SGCZ: variants seen among roughly 807,000 people sequenced by gnomAD.
SGCZ encodes the protein sarcoglycan zeta, also known as zeta-sarcoglycan.
Under a neutral mutation model 41.3 loss-of-function variants are expected in SGCZ, and 40 were observed. The ratio of observed to expected loss-of-function variants is 0.97; its 90% confidence interval spans 0.75 to 1.26. The LOEUF is 1.26. SGCZ is among the 50% of genes most tolerant of loss of function. The pLI, the probability that SGCZ is intolerant of heterozygous loss-of-function variation, is 0.00. For missense variants in SGCZ, 552 were observed against 369.8 expected (o/e 1.49, Z -4.04); for synonymous variants, 206 against 137.5 (o/e 1.50, Z -3.49).
chr8:14,133,701 C>T (rs1303142032), intron 5 of SGCZ, among the ~76,000 whole-genome samples: 1 of 151,838 alleles, frequency 6.6e-6, no homozygotes, highest in East Asian at 1.9e-4. Context: ...TGCTGTAAAC[C>T]TTTGACTCTT....
intron 1 of SGCZ, among the ~76,000 whole-genome samples, chr8:14,650,782 C>G (rs1486213651): frequency 2.0e-5 from 3 of 152,010 alleles, no homozygotes; most frequent in Admixed American, 1.3e-4. Flanking sequence ...CCTACCTACT[C>G]CGGCTCGTTC....
intron 1 of SGCZ, among the ~76,000 whole-genome samples, chr8:14,809,150 T>C (rs1030797683): frequency 4.6e-5 from 7 of 151,950 alleles, no homozygotes; most frequent in African/African-American, 1.7e-4. Flanking sequence ...TTAGTGGGTG[T>C]AGCACACCAG....
chr8:14,987,206 C>G (rs867869758), intron 1 of SGCZ, among the ~76,000 whole-genome samples: 1 of 151,450 alleles, frequency 6.6e-6, no homozygotes, highest in Non-Finnish European at 1.5e-5. Flanking sequence ...TAAAATAGCA[C>G]CAAAAAGTAC....
chr8:14,423,027 T>C (rs1247449422), intron 2 of SGCZ, among the ~76,000 whole-genome samples: 1 of 152,062 alleles, frequency 6.6e-6, no homozygotes, highest in Non-Finnish European at 1.5e-5. Flanking sequence ...GACCCTGTAT[T>C]AAAAACAAAA....
chr8:14,797,312 A>G (rs1318877833), intron 1 of SGCZ, among the ~76,000 whole-genome samples: 1 of 152,154 alleles, frequency 6.6e-6, no homozygotes, highest in East Asian at 1.9e-4. Context: ...GCTGACAGTG[A>G]TATGGACAAT....
intron 5 of SGCZ, among the ~76,000 whole-genome samples, chr8:14,120,891 G>A (rs900119999): frequency 6.6e-6 from 1 of 152,028 alleles, no homozygotes; most frequent in Non-Finnish European, 1.5e-5. Context: ...ATCTTAATCA[G>A]ATCATCAATG....
intron 5 of SGCZ, among the ~76,000 whole-genome samples, chr8:14,139,958 C>T (rs1381646736): frequency 6.6e-6 from 1 of 152,154 alleles, no homozygotes; most frequent in East Asian, 1.9e-4. Context: ...CAAACCAAAT[C>T]CAGCAGCACC....
chr8:14,381,385 G>T (rs1160407805), intron 2 of SGCZ, among the ~76,000 whole-genome samples: 1 of 152,016 alleles, frequency 6.6e-6, no homozygotes, highest in Non-Finnish European at 1.5e-5. Context: ...TTAATAATGG[G>T]GTGTCATAAA....
chr8:14,746,159 G>A (rs534747676), intron 1 of SGCZ, among the ~76,000 whole-genome samples: 1 of 152,030 alleles, frequency 6.6e-6, no homozygotes, highest in Non-Finnish European at 1.5e-5. Context: ...TAGCATAATA[G>A]ATATTAAATA....
At chr8:14,658,997 A>G (rs997467572) in intron 1 of SGCZ, among the ~76,000 whole-genome samples, 2 of 152,176 alleles carry the variant, frequency 1.3e-5, no homozygotes, top group Admixed American at 1.3e-4. Flanking sequence ...ACTAACTTAA[A>G]GTTACTGTTA....
chr8:15,087,712 G>C (rs1191050507), intron 1 of SGCZ, among the ~76,000 whole-genome samples: 1 of 152,088 alleles, frequency 6.6e-6, no homozygotes, highest in African/African-American at 2.4e-5. Flanking sequence ...TCCTTTTTAT[G>C]TGGGTTCAGC....
intron 2 of SGCZ, among the ~76,000 whole-genome samples, chr8:14,540,132 C>G (rs17119767): frequency 6.6e-6 from 1 of 150,706 alleles, no homozygotes; most frequent in African/African-American, 2.4e-5. Flanking sequence ...TGTATGTATA[C>G]TATGACTCTG....
intron 4 of SGCZ, among the ~76,000 whole-genome samples, chr8:14,180,610 C>G (rs1804691079): frequency 6.6e-6 from 1 of 152,090 alleles, no homozygotes; most frequent in Non-Finnish European, 1.5e-5. Flanking sequence ...CAGGAGTGCT[C>G]TTTAAGGCCC....
At chr8:14,646,232 C>G (rs1332922145) in intron 1 of SGCZ, among the ~76,000 whole-genome samples, 1 of 151,802 alleles carries the variant, frequency 6.6e-6, no homozygotes, top group Non-Finnish European at 1.5e-5. Context: ...TTGCCAGTAT[C>G]TACTGTTGCC....
intron 1 of SGCZ, among the ~76,000 whole-genome samples, chr8:14,996,039 G>C (rs976481159): frequency 2.6e-5 from 4 of 152,158 alleles, no homozygotes; most frequent in East Asian, 1.9e-4. Context: ...GAGTAGCTGA[G>C]ACTACAGGCG....
At chr8:14,926,566 T>A (rs1799756182) in intron 1 of SGCZ, among the ~76,000 whole-genome samples, 1 of 152,140 alleles carries the variant, frequency 6.6e-6, no homozygotes, top group Non-Finnish European at 1.5e-5. Context: ...GGGTTATATA[T>A]TTCTTGGGGA....
chr8:15,019,461 T>TG (rs1355805519), intron 1 of SGCZ, among the ~76,000 whole-genome samples: 2 of 152,160 alleles, frequency 1.3e-5, no homozygotes, highest in Admixed American at 6.5e-5. Flanking sequence ...TGCAGCTCTC[T>TG]TTCCTCTTTC....
chr8:14,250,100 T>C (rs1799234745), intron 3 of SGCZ, among the ~76,000 whole-genome samples: 1 of 152,190 alleles, frequency 6.6e-6, no homozygotes, highest in Non-Finnish European at 1.5e-5. Flanking sequence ...TTCCAGGTCA[T>C]GCCAACAAAG....
intron 1 of SGCZ, among the ~76,000 whole-genome samples, chr8:14,869,129 C>T (rs767480207): frequency 6.6e-6 from 1 of 151,996 alleles, no homozygotes; most frequent in Non-Finnish European, 1.5e-5. Context: ...GGCAGAGACA[C>T]AACAAAAAAA....
Sources: gnomAD v4.1 joint callset for allele counts (sites outside exome capture counted in the v4.1 genomes callset) on GRCh38, gnomAD v4.1.1 for gene constraint, MANE v1.5 for transcripts, NCBI Gene and HGNC (gene_info 2026-07-23, HGNC 2026-07-21) for gene names.